The following ADCY9 variants were observed in gnomAD, a reference collection of about 807,000 sequenced individuals.
ADCY9 encodes the protein adenylate cyclase 9, also known as adenylate cyclase type 9.
ADCY9 carries 50 observed loss-of-function variants against 101.5 expected under a neutral mutation model. The observed-to-expected ratio is 0.49, with a 90% CI of 0.39 to 0.62. ADCY9 has a LOEUF of 0.62. Among genes scored for constraint, ADCY9 ranks in the 20% least tolerant of loss-of-function variants. The pLI, the probability that ADCY9 is intolerant of heterozygous loss-of-function variation, is 0.00. For missense variants in ADCY9, 1,662 were observed against 1,800.4 expected (o/e 0.92, Z 1.39); for synonymous variants, 905 against 769.3 (o/e 1.18, Z -2.92).
intron 2 of ADCY9, among the ~76,000 whole-genome samples, chr16:4,079,233 C>G (rs577534545): frequency 1.4e-3 from 212 of 152,188 alleles, no homozygotes; most frequent in African/African-American, 5.0e-3. Context: ...TAGTACATCC[C>G]CAGAATAAAA....
chr16:3,992,382 G>A lies in ADCY9; in HGVS notation c.1990-19C>T. 1 of 1,611,228 alleles carries A rather than the reference G, an allele frequency of 6.2e-7. No individual in the cohort carries two copies. The stretch of plus-strand genomic sequence containing the variant: ...CAGAAGCCTGCCTCGAGACAAAGAG[G>A]ACGCAGACACGGGAAGTGAAGTGGC... On this transcript the variant is annotated intron_variant, in intron 4 of 10. Coordinates refer to ENST00000294016, the MANE Select transcript of ADCY9 (RefSeq NM_001116.4). The surrounding 1 kb of genome is among the most constrained non-coding windows in gnomAD (Gnocchi z 4.2).
chr16:4,112,030 G>A (rs778364975), intron 2 of ADCY9, among the ~76,000 whole-genome samples: 2 of 152,016 alleles, frequency 1.3e-5, no homozygotes, highest in African/African-American at 4.8e-5. Context: ...CTTACAAAAC[G>A]TTCTCATTGT....
intron 7 of ADCY9, 42 bp from the exon 8 acceptor site, chr16:3,979,317 G>A: frequency 6.2e-7 from 1 of 1,606,662 alleles, no homozygotes; most frequent in Non-Finnish European, 8.5e-7. Flanking sequence ...CGGGGCCCGG[G>A]GTGGGTCATC....
Position 3,986,162 on chromosome 16 carries a change from C to T in ADCY9, c.2311-2722G>A, listed in dbSNP as rs546570245. On this transcript the variant is annotated intron_variant, in intron 6 of 10. Coordinates refer to ENST00000294016, the MANE Select transcript of ADCY9 (RefSeq NM_001116.4). Reference sequence around the variant, plus strand: ...ACCATGATTAGCTATGATACCCACGCGTCCATGCCTCAGTCTCTTTATCCA... The same window carrying T: ...ACCATGATTAGCTATGATACCCACGTGTCCATGCCTCAGTCTCTTTATCCA... Among the ~76,000 whole-genome samples, 44 of 152,382 alleles carry T rather than the reference C, an allele frequency of 2.9e-4. 1 individual carries two copies. The South Asian group carries it at 8.1e-3, about 28-fold the overall frequency.
intron 2 of ADCY9, among the ~76,000 whole-genome samples, chr16:4,045,823 C>T (rs1251654906): frequency 2.7e-5 from 4 of 150,348 alleles, no homozygotes; most frequent in East Asian, 2.0e-4. Flanking sequence ...CTCAGCCGCC[C>T]GAGTAGCTGG....
intron 6 of ADCY9, among the ~76,000 whole-genome samples, chr16:3,988,353 G>C (rs1668081886): frequency 6.6e-6 from 1 of 151,854 alleles, no homozygotes; most frequent in South Asian, 2.1e-4. Context: ...AAAGCAGGGA[G>C]GGCAACAGAG....
At chr16:3,987,003 C>T (rs1241615196) in intron 6 of ADCY9, among the ~76,000 whole-genome samples, 2 of 152,272 alleles carry the variant, frequency 1.3e-5, no homozygotes, top group Admixed American at 6.5e-5. Flanking sequence ...ACTCCTGCCC[C>T]ACCCTGCCCC....
intron 2 of ADCY9, among the ~76,000 whole-genome samples, chr16:4,100,110 G>A (rs1044486148): frequency 1.3e-5 from 2 of 152,092 alleles, no homozygotes; most frequent in Non-Finnish European, 2.9e-5. Context: ...TCGTGAGAGT[G>A]AGGGAGTTCT....
rs376614156 is a variant in ADCY9 at position 3,966,061 on chromosome 16, G to C, written c.3776C>G (p.Ser1259Cys). 8 of 1,614,112 alleles carry C rather than the reference G, an allele frequency of 5.0e-6. No individual in the cohort carries two copies. The African/African-American group carries it at 1.1e-4, about 22-fold the overall frequency. The change falls in exon 11 of 11, where the codon TCC becomes TGC. Residue 1259 changes from serine (S) to cysteine (C), a missense_variant. By Grantham distance (112) the Ser-to-Cys change is moderately radical. This residue lies in a region of ADCY9 where 168 missense variants were observed against 155.3 expected (regional missense o/e 1.08). Transcript: ENST00000294016. ...ATCCACCTGGACGCGGATGTCTGGG[G>C]AGATGGACAGCTGGTGCTGTGGGAT... ...RVIPQHQLSI[S>C]PDIRVQVDGS...
chr16:4,107,549 T>TAA (rs2057085109), intron 2 of ADCY9, among the ~76,000 whole-genome samples: 3 of 17,148 alleles, frequency 1.7e-4, no homozygotes, highest in African/African-American at 4.6e-4. Context: ...AGACTCTGTC[T>TAA]CAAAAAAAAA....
intron 2 of ADCY9, among the ~76,000 whole-genome samples, chr16:4,096,661 A>G (rs907743735): frequency 5.3e-5 from 8 of 152,208 alleles, no homozygotes; most frequent in African/African-American, 1.9e-4. Flanking sequence ...TAGTAACACA[A>G]TAGGGTACGA....
intron 3 of ADCY9, among the ~76,000 whole-genome samples, chr16:4,001,496 G>A (rs895227982): frequency 1.3e-5 from 2 of 152,190 alleles, no homozygotes; most frequent in Non-Finnish European, 2.9e-5. Context: ...ATCATTTGGT[G>A]AAGGTGGCAT....
At chr16:4,054,136 C>T (rs974147145) in intron 2 of ADCY9, 2 of 152,150 alleles carry the variant, frequency 1.3e-5, no homozygotes, top group African/African-American at 2.4e-5. Context: ...CTGTTTTGTT[C>T]ACTGATGCAA....
chr16:4,049,321 A>G (rs2056686061), intron 2 of ADCY9, among the ~76,000 whole-genome samples: 1 of 152,130 alleles, frequency 6.6e-6, no homozygotes, highest in Non-Finnish European at 1.5e-5. Context: ...TGCAGTGGAG[A>G]GAAAGTCGGA....
intron 2 of ADCY9, among the ~76,000 whole-genome samples, chr16:4,081,432 C>T (rs531760176): frequency 1.3e-5 from 2 of 152,384 alleles, no homozygotes; most frequent in South Asian, 2.1e-4. Context: ...CTTTGCAGAG[C>T]TCCAGATGTA....
intron 3 of ADCY9, among the ~76,000 whole-genome samples, chr16:4,002,310 A>G (rs574444942): frequency 1.7e-4 from 26 of 152,164 alleles, no homozygotes; most frequent in Non-Finnish European, 3.2e-4. Flanking sequence ...TACTTCCTCA[A>G]ATTGGGCCAA....
At chr16:4,062,247 A>G (rs1043083273) in intron 2 of ADCY9, among the ~76,000 whole-genome samples, 3 of 152,212 alleles carry the variant, frequency 2.0e-5, no homozygotes, top group Non-Finnish European at 4.4e-5. Flanking sequence ...TATAACCAAA[A>G]AATATTAAAA....
Position 4,114,895 on chromosome 16 carries a change from A to T in ADCY9, c.548T>A (p.Val183Glu), listed in dbSNP as rs1450203334. The change falls in exon 2 of 11, where the codon GTG becomes GAG. Residue 183 changes from valine (V) to glutamate (E), a missense_variant. Around this residue, in one of 5 missense-constraint regions of ADCY9, gnomAD observed 422 missense variants for 392.0 expected, o/e 1.08. Transcript: ENST00000294016. The surrounding 1 kb of genome is among the most constrained non-coding windows in gnomAD (Gnocchi z 4.3). ...CTGCGCAGCCAGGGTCAGGGCGAAC[A>T]CCAGCAGGGTGAGAGCCAGCGAGGT... is the stretch of plus-strand genomic sequence containing the variant. ...AWTSLALTLL[V>E]FALTLAAQFQ... 1.9e-6 allele frequency: 3 copies of T among 1,613,796 alleles called. No individual in the cohort carries two copies. Among genetic ancestry groups the T allele is most frequent in the Admixed American group, 1.7e-5 (1 of 60,030 alleles).
chr16:4,017,053 A>C (rs886451949), intron 2 of ADCY9, among the ~76,000 whole-genome samples: 6 of 152,116 alleles, frequency 3.9e-5, no homozygotes, highest in Non-Finnish European at 5.9e-5. Context: ...GATCTCAGCT[A>C]CTTGGGAGGC....
Sources: gnomAD v4.1 joint callset for allele counts (sites outside exome capture counted in the v4.1 genomes callset) on GRCh38, gnomAD v4.1.1 for gene constraint, gnomAD v4.1.1 regional missense constraint, Gnocchi (gnomAD v3.1) non-coding constraint, MANE v1.5 for transcripts, NCBI Gene and HGNC (gene_info 2026-07-23, HGNC 2026-07-21) for gene names.